NUP133: variants seen among roughly 807,000 people sequenced by gnomAD.
NUP133 encodes nucleoporin 133, also known as nuclear pore complex protein Nup133.
NUP133 carries 66 observed loss-of-function variants against 146.2 expected under a neutral mutation model. The ratio of observed to expected loss-of-function variants is 0.45; its 90% CI spans 0.37 to 0.55. NUP133 has a LOEUF of 0.55. Ranked by LOEUF, NUP133 falls within the 20% of genes least tolerant of loss-of-function variation. NUP133 has a pLI of 0.00. For synonymous variants in NUP133, 521 were observed against 498.8 expected, an observed-to-expected ratio of 1.04 and a Z score of -0.59; for missense variants, 1,277 against 1,374.8, an observed-to-expected ratio of 0.93 and a Z score of 1.12.
chr1:229,465,151 T>C (rs1230532203), intron 17 of NUP133, among the ~76,000 whole-genome samples: 1 of 152,202 alleles, frequency 6.6e-6, no homozygotes, highest in Non-Finnish European at 1.5e-5. Flanking sequence ...ATATAGTCCA[T>C]ACCTCCGGGG....
rs372428289 is a variant in NUP133 at position 229,500,877 on chromosome 1, C to T, written c.406-14G>A. ...GCAAACGGATAACTGTAGAACAAACCCAAACAGAAAATCTTTCACATCAAA... is the reference window on the plus strand; with the variant it reads ...GCAAACGGATAACTGTAGAACAAACTCAAACAGAAAATCTTTCACATCAAA... On this transcript the variant is annotated splice_polypyrimidine_tract_variant and intron_variant, in intron 3 of 25. Transcript: ENST00000261396. 1 of 1,551,374 alleles carries T rather than the reference C, an allele frequency of 6.4e-7. No homozygotes were observed. Among genetic ancestry groups the T allele is most frequent in the South Asian group, 1.1e-5 (1 of 87,542 alleles).
At chr1:229,452,477 A>G (rs183776587) in intron 22 of NUP133, 48 bp downstream of exon 22, 1 of 1,459,976 alleles carries the variant, frequency 6.8e-7, no homozygotes, top group Admixed American at 1.7e-5. Context: ...AAACACCAAA[A>G]AGGTTTTGAG....
At chr1:229,475,800 G>T in intron 13 of NUP133, 68 bp from the exon 14 acceptor site, 2 of 1,224,876 alleles carry the variant, frequency 1.6e-6, no homozygotes, top group Non-Finnish European at 2.4e-6. Context: ...AATATCAGTG[G>T]CTAACTGCTA....
intron 19 of NUP133, among the ~76,000 whole-genome samples, chr1:229,462,278 C>A (rs1183292401): frequency 6.6e-6 from 1 of 152,102 alleles, no homozygotes; most frequent in Non-Finnish European, 1.5e-5. Context: ...ATGACATGAA[C>A]AAATGTTTGC....
chr1:229,465,044 G>GA (rs1660780587), intron 17 of NUP133, among the ~76,000 whole-genome samples, 169 bp from the exon 18 acceptor site: 1 of 152,164 alleles, frequency 6.6e-6, no homozygotes, highest in Non-Finnish European at 1.5e-5. Flanking sequence ...CTTCTCCAAG[G>GA]AGATTTCCTC....
chr1:229,477,702 A>C lies in NUP133; in HGVS notation c.1651T>G (p.Leu551Val). 1 of 1,614,028 alleles carries C rather than the reference A, an allele frequency of 6.2e-7. No individual in the cohort carries two copies. The highest frequency in any genetic ancestry group is 8.5e-7 in the Non-Finnish European group (1 of 1,179,958). The stretch of plus-strand genomic sequence containing the variant: ...CTGTCTAGTTCAGAATCAGAATCCA[A>C]ATCAGAGTGAGAGGAAAAGAGCTCA... The part of the protein sequence containing the change: ...VDELFSSHSD[L>V]DSDSELDRAV... The change falls in exon 13 of 26, where the codon TTG becomes GTG. Residue 551 changes from leucine (L) to valine (V), a missense_variant. Physicochemically the swap from Leu to Val is conservative, Grantham distance 32. This residue lies in a region of NUP133 where 952 missense variants were observed against 1,047.0 expected (regional missense o/e 0.91). Transcript: ENST00000261396.
rs776456862 is a variant in NUP133, at chr1:229,441,994, T to C, written c.3381A>G (p.Gln1127=). Residue 1127 remains glutamine (Q), a synonymous_variant, in exon 26 of 26, where the codon CAA becomes CAG. Coordinates refer to ENST00000261396, the MANE Select transcript of NUP133 (RefSeq NM_018230.3). ...EYLPEVKDLL[Q]ADQLGSLKSN... Reference sequence around the variant, plus strand: ...ACTTTAAGCTTCCAAGCTGATCCGCTTGTAGCAGGTCTTTCACCTCCGGTA... The same window carrying C: ...ACTTTAAGCTTCCAAGCTGATCCGCCTGTAGCAGGTCTTTCACCTCCGGTA... 33 of 1,590,854 alleles carry C rather than the reference T, an allele frequency of 2.1e-5. No individual in the cohort carries two copies. The highest frequency in any genetic ancestry group is 1.7e-4 in the Middle Eastern group (1 of 6,048).
intron 4 of NUP133, 108 bp from the exon 5 acceptor site, chr1:229,499,926 A>C (rs1015172606): frequency 7.7e-7 from 1 of 1,294,084 alleles, no homozygotes; most frequent in African/African-American, 1.5e-5. Flanking sequence ...TATTTGATCA[A>C]GAAAAATCAG....
intron 8 of NUP133, among the ~76,000 whole-genome samples, chr1:229,493,551 A>G (rs1234633535): frequency 2.6e-5 from 4 of 152,242 alleles, no homozygotes; most frequent in African/African-American, 7.2e-5. Flanking sequence ...GTGAATGACT[A>G]TAAGGAAGAC....
At chr1:229,479,253 G>C (rs901238059) in intron 12 of NUP133, among the ~76,000 whole-genome samples, 2 of 152,192 alleles carry the variant, frequency 1.3e-5, no homozygotes, top group African/African-American at 4.8e-5. Flanking sequence ...GCATAAGCAA[G>C]TGAATTTCTG....
At chr1:229,505,105 ATTC>A (rs1416997704) in intron 2 of NUP133, among the ~76,000 whole-genome samples, 7 of 152,276 alleles carry the variant, frequency 4.6e-5, no homozygotes, top group South Asian at 2.1e-4. Flanking sequence ...ACCCAAGACA[ATTC>A]TTCTTCCAAG....
intron 24 of NUP133, among the ~76,000 whole-genome samples, chr1:229,447,471 T>C (rs1183801695): frequency 2.0e-5 from 3 of 151,756 alleles, no homozygotes; most frequent in Non-Finnish European, 4.4e-5. Context: ...TAGATGTCTT[T>C]TTTTTTTTTT....
chr1:229,486,704 C>G (rs1371800967), intron 10 of NUP133, among the ~76,000 whole-genome samples, 176 bp from the exon 11 acceptor site: 3 of 152,120 alleles, frequency 2.0e-5, no homozygotes, highest in Non-Finnish European at 4.4e-5. Context: ...ATGCTAAGAA[C>G]CGGTTGCTAT....
chr1:229,473,827 G>A (rs1420669186), intron 14 of NUP133, among the ~76,000 whole-genome samples: 1 of 152,142 alleles, frequency 6.6e-6, no homozygotes, highest in East Asian at 1.9e-4. Flanking sequence ...GGGAGGCTGG[G>A]GCAGGAGAAT....
chr1:229,480,798 T>G (rs982819371), intron 12 of NUP133, among the ~76,000 whole-genome samples: 1 of 151,350 alleles, frequency 6.6e-6, no homozygotes, highest in African/African-American at 2.4e-5. Context: ...GCGATTCTCC[T>G]GCCTCAGTCT....
At chr1:229,475,936 G>A (rs914276736) in intron 13 of NUP133, among the ~76,000 whole-genome samples, 1 of 151,922 alleles carries the variant, frequency 6.6e-6, no homozygotes, top group Non-Finnish European at 1.5e-5. Flanking sequence ...GGTGAAACCC[G>A]ATCTCTACTA....
rs1491123491 is a variant in NUP133, at chr1:229,449,874, T to TATATATATATA, written c.3180+650_3180+651insTATATATATAT. Among the ~76,000 whole-genome samples, 100 of 77,944 alleles carry TATATATATATA rather than the reference T, an allele frequency of 1.3e-3. 1 individual carries two copies. Among genetic ancestry groups the TATATATATATA allele is most frequent in the East Asian group, 4.4e-3 (10 of 2,254 alleles). The allele number at this position is 77,944 out of a possible 152,430, so 51.1% of individuals were successfully genotyped here. On this transcript the variant is annotated intron_variant, in intron 23 of 25. Transcript: ENST00000261396. ...TTTTATATATATATATATATATATA[T>TATATATATATA]TTTTTTTTTTTTTTTTTTTTTTTTT... is the stretch of plus-strand genomic sequence containing the variant.
At position 229,475,858 on chromosome 1, in the gene NUP133, C is replaced by T. The variant is rs140290545; in HGVS notation, c.1757-126G>A. The T allele has an allele frequency of 1.1e-3, 775 of 704,800 alleles. 3 individuals are homozygous for T. The African/African-American group carries it at 0.013, about 12-fold the overall frequency. The allele number at this position is 704,800 out of a possible 1,614,324, so 43.7% of individuals were successfully genotyped here. On this transcript the variant is annotated intron_variant, in intron 13 of 25. Coordinates refer to ENST00000261396, the MANE Select transcript of NUP133 (RefSeq NM_018230.3). ...GGCACGGTGGCTCACACCTGTAATC[C>T]GAGCACTTTGGGAGGTCGAGGTGGG...
Position 229,494,823 on chromosome 1 carries a change from T to C in NUP133, c.1046+672A>G, listed in dbSNP as rs1661612398. 2.0e-5 allele frequency among the ~76,000 whole-genome samples: 3 copies of C among 152,150 alleles called. No individual in the cohort carries two copies. The South Asian group carries it at 6.2e-4, about 31-fold the overall frequency. ...AGCAACAGAAAGAGGGTGGGAAATA[T>C]GTGCCTGATACCTCCAATGAGAGAA... On this transcript the variant is annotated intron_variant, in intron 8 of 25. Transcript: ENST00000261396.
Sources: allele counts gnomAD v4.1 joint callset (sites outside exome capture counted in the v4.1 genomes callset), GRCh38; gene constraint gnomAD v4.1.1; regional missense constraint gnomAD v4.1.1; transcripts MANE v1.5; gene names NCBI Gene and HGNC (gene_info 2026-07-23, HGNC 2026-07-21).